PTPRJ: variants seen among roughly 807,000 people sequenced by gnomAD.
The protein encoded by PTPRJ is receptor-type tyrosine-protein phosphatase eta.
Under a neutral mutation model 141.3 loss-of-function variants are expected in PTPRJ, and 129 were observed. The ratio of observed to expected loss-of-function variants is 0.91; its 90% confidence interval spans 0.79 to 1.06. PTPRJ has a LOEUF of 1.06. Among genes scored for constraint, PTPRJ ranks in the 50% least tolerant of loss-of-function variants. The pLI, the probability that PTPRJ is intolerant of heterozygous loss-of-function variation, is 0.00. For synonymous variants in PTPRJ, 610 were observed against 640.5 expected (o/e 0.95, Z 0.72); for missense variants, 1,601 against 1,679.7 (o/e 0.95, Z 0.82).
chr11:48,025,039 A>G (rs935288854), intron 1 of PTPRJ, among the ~76,000 whole-genome samples: 1 of 152,168 alleles, frequency 6.6e-6, no homozygotes, highest in African/African-American at 2.4e-5. Context: ...CAGGCCTGAG[A>G]GTATATGGGA....
intron 1 of PTPRJ, among the ~76,000 whole-genome samples, chr11:48,002,097 A>G (rs1479542130): frequency 6.7e-6 from 1 of 149,796 alleles, no homozygotes; most frequent in Non-Finnish European, 1.5e-5. Flanking sequence ...ACTCCCTTAA[A>G]TTTTTTAAAT....
At chr11:47,986,518 C>T (rs1854054265) in intron 1 of PTPRJ, among the ~76,000 whole-genome samples, 1 of 152,072 alleles carries the variant, frequency 6.6e-6, no homozygotes, top group Admixed American at 6.6e-5. Flanking sequence ...GTTCATATGA[C>T]AATTTTTTCT....
chr11:47,986,016 C>T (rs1459259565), intron 1 of PTPRJ, among the ~76,000 whole-genome samples: 2 of 152,112 alleles, frequency 1.3e-5, no homozygotes, highest in Non-Finnish European at 1.5e-5. Context: ...ATTTTTTAGA[C>T]AGTCTTGCTG....
At chr11:48,087,944 G>GTACAA (rs1855759186) in intron 1 of PTPRJ, among the ~76,000 whole-genome samples, 1 of 152,190 alleles carries the variant, frequency 6.6e-6, no homozygotes, top group Admixed American at 6.5e-5. Flanking sequence ...GTCCCTGCAT[G>GTACAA]TATGATTACA....
chr11:48,138,754 C>T (rs113408284), intron 10 of PTPRJ, among the ~76,000 whole-genome samples: 2,552 of 152,266 alleles, frequency 0.017, 33 homozygotes, highest in Non-Finnish European at 0.025. Context: ...GCCATGTCAT[C>T]ATCAGCCAAT....
intron 22 of PTPRJ, among the ~76,000 whole-genome samples, chr11:48,161,779 A>AT (rs561833629): frequency 2.2e-4 from 34 of 151,498 alleles, no homozygotes; most frequent in East Asian, 9.7e-4. Flanking sequence ...TGCCCAGCTA[A>AT]TTTTTTTTGT....
At chr11:48,053,197 A>ATTATATT (rs1393312360) in intron 1 of PTPRJ, among the ~76,000 whole-genome samples, 1 of 98,588 alleles carries the variant, frequency 1.0e-5, no homozygotes, top group Non-Finnish European at 1.8e-5. Context: ...ATAAAAATAT[A>ATTATATT]TAAATATATT....
chr11:48,026,803 C>T (rs547845208), intron 1 of PTPRJ, among the ~76,000 whole-genome samples: 1 of 151,940 alleles, frequency 6.6e-6, no homozygotes, highest in Non-Finnish European at 1.5e-5. Flanking sequence ...ATCACCTGAG[C>T]AGTATACACT....
chr11:48,145,058 G>C lies in PTPRJ; in HGVS notation c.2845G>C (p.Asp949His). 1 of 1,614,226 alleles carries C rather than the reference G, an allele frequency of 6.2e-7. No homozygotes were observed. Among genetic ancestry groups the C allele is most frequent in the East Asian group, 2.2e-5 (1 of 44,882 alleles). Residue 949 changes from aspartate to histidine, a missense_variant, in exon 14 of 25, where the codon GAT becomes CAT. Asp to His is a moderately conservative substitution (Grantham distance 81). Coordinates refer to ENST00000418331, the MANE Select transcript of PTPRJ (RefSeq NM_002843.4). ...CCACCCTCAAAACAAGGGGCTCATT[G>C]ATGGGGCTGAGAGCTATGTGTCCTT... ...TFHPQNKGLIDGAESYVSFSR... is the reference protein window; with the variant it reads ...TFHPQNKGLIHGAESYVSFSR...
chr11:48,127,757 G>A, intron 6 of PTPRJ, 23 bp from the exon 7 acceptor site: 1 of 1,608,926 alleles, frequency 6.2e-7, no homozygotes, highest in Non-Finnish European at 8.5e-7. Context: ...TGGTTATTTT[G>A]AACTCCTCTT....
intron 1 of PTPRJ, 152 bp from the exon 2 acceptor site, chr11:48,109,906 C>G (rs567626229): frequency 2.5e-6 from 2 of 801,476 alleles, no homozygotes; most frequent in African/African-American, 3.4e-5. Flanking sequence ...GTTTAATGTC[C>G]CAAGACGGCC....
intron 1 of PTPRJ, among the ~76,000 whole-genome samples, chr11:48,060,627 T>C (rs1260677706): frequency 1.3e-5 from 2 of 152,204 alleles, no homozygotes; most frequent in African/African-American, 2.4e-5. Context: ...CTAGGTTGTT[T>C]AGTGTTTCTA....
chr11:48,157,232 C>T (rs1425639582), intron 21 of PTPRJ, among the ~76,000 whole-genome samples: 1 of 152,184 alleles, frequency 6.6e-6, no homozygotes, highest in Non-Finnish European at 1.5e-5. Flanking sequence ...TGTGGTCCAC[C>T]TGCCTTGGCC....
intron 1 of PTPRJ, among the ~76,000 whole-genome samples, chr11:48,029,816 G>A (rs1030238068): frequency 3.3e-5 from 5 of 152,154 alleles, no homozygotes; most frequent in South Asian, 2.1e-4. Flanking sequence ...CATATCTTTA[G>A]CTGCGTAAGA....
chr11:48,105,842 G>C (rs1387358982), intron 1 of PTPRJ, among the ~76,000 whole-genome samples: 1 of 152,136 alleles, frequency 6.6e-6, no homozygotes, highest in African/African-American at 2.4e-5. Flanking sequence ...TTGGTCTCCA[G>C]CTTCCAGTGG....
rs148655362 is a variant in PTPRJ at position 47,997,017 on chromosome 11, A to T, written c.96+16009A>T. On this transcript the variant is annotated intron_variant, in intron 1 of 24. Coordinates refer to ENST00000418331, the MANE Select transcript of PTPRJ (RefSeq NM_002843.4). ...CTGGCTTAGGCTTTGCACCTATCCC[A>T]CCATGTGGTTGGGGTGAGTGAGGAC... is the stretch of plus-strand genomic sequence containing the variant. Among the ~76,000 whole-genome samples, 82 of 152,284 alleles carry T rather than the reference A, an allele frequency of 5.4e-4. 1 individual carries two copies. The highest frequency in any genetic ancestry group is 1.1e-3 in the Admixed American group (17 of 15,296).
chr11:48,022,189 C>T (rs1458299343), intron 1 of PTPRJ, among the ~76,000 whole-genome samples: 18 of 135,730 alleles, frequency 1.3e-4, no homozygotes, highest in Admixed American at 1.1e-3. Context: ...GAAGTCCGGG[C>T]GCGGTGGCTC....
In PTPRJ at chr11:48,135,142, T is replaced by C. The variant is rs183197141; in HGVS notation, c.1616-897T>C. On this transcript the variant is annotated intron_variant, in intron 8 of 24. Coordinates refer to ENST00000418331, the MANE Select transcript of PTPRJ (RefSeq NM_002843.4). ...ACCCATATAAAAAAACTGAATGTGA[T>C]TTCCACTTCAGATGACCCCTTGAAG... 2.8e-3 allele frequency among the ~76,000 whole-genome samples: 423 copies of C among 151,764 alleles called. 2 individuals are homozygous for C. Among genetic ancestry groups the C allele is most frequent in the African/African-American group, 9.9e-3 (410 of 41,414 alleles).
intron 1 of PTPRJ, among the ~76,000 whole-genome samples, chr11:48,009,042 A>T (rs932526584): frequency 2.0e-5 from 3 of 152,232 alleles, no homozygotes; most frequent in Non-Finnish European, 4.4e-5. Flanking sequence ...GATAAGTCAC[A>T]CAATGAGTGG....
Sources: gnomAD v4.1 joint callset for allele counts (sites outside exome capture counted in the v4.1 genomes callset) on GRCh38, gnomAD v4.1.1 for gene constraint, MANE v1.5 for transcripts, NCBI Gene and HGNC (gene_info 2026-07-23, HGNC 2026-07-21) for gene names.